Variants in GAR1 observed in about 807,000 individuals in gnomAD.
GAR1 encodes GAR1 ribonucleoprotein, also known as H/ACA ribonucleoprotein complex subunit 1.
GAR1 carries 11 observed loss-of-function variants against 29.3 expected under a neutral mutation model. The observed-to-expected ratio is 0.38, with a 90% CI of 0.24 to 0.62. The LOEUF is 0.62. Among genes scored for constraint, GAR1 ranks in the 20% least tolerant of loss-of-function variants. The pLI, the probability that GAR1 is intolerant of heterozygous loss-of-function variation, is 0.62. For missense variants in GAR1, 237 were observed against 268.4 expected (o/e 0.88, Z 0.82); for synonymous variants, 87 against 93.3 (o/e 0.93, Z 0.39).
intron 5 of GAR1, among the ~76,000 whole-genome samples, chr4:109,823,194 G>A (rs765524488): frequency 2.6e-5 from 4 of 152,184 alleles, no homozygotes; most frequent in Non-Finnish European, 5.9e-5. Context: ...AGTAGGAGAA[G>A]GGCGAGTGAT....
intron 5 of GAR1, among the ~76,000 whole-genome samples, chr4:109,823,223 A>C (rs538555857): frequency 6.6e-6 from 1 of 152,212 alleles, no homozygotes; most frequent in African/African-American, 2.4e-5. Context: ...GGGCAGAGCC[A>C]AAGTGGAAAG....
At chr4:109,823,365 T>G (rs977483928) in intron 5 of GAR1, among the ~76,000 whole-genome samples, 1 of 152,190 alleles carries the variant, frequency 6.6e-6, no homozygotes, top group South Asian at 2.1e-4. Flanking sequence ...TGTGTCCATA[T>G]AGGTAGGAAA....
intron 4 of GAR1, among the ~76,000 whole-genome samples, chr4:109,821,720 GA>G (rs1423627239): frequency 6.6e-6 from 1 of 152,120 alleles, no homozygotes; most frequent in East Asian, 1.9e-4. Context: ...TATTTCTAAA[GA>G]GAAATGATAT....
rs2276326 is a variant in GAR1 at position 109,816,233 on chromosome 4, T to C, written c.69T>C (p.Gly23=). The change falls in exon 2 of 7, where the codon GGT becomes GGC. Residue 23 remains glycine (G), a synonymous_variant. Transcript: ENST00000226796. ...RGGGGGGFNR[G]GSSNHFRGGG... The stretch of plus-strand genomic sequence containing the variant: ...GTGGAGGTGGCGGCTTCAACCGAGG[T>C]GGCAGCAGCAACCACTTCCGAGGTG... 0.74 allele frequency: 1,199,757 copies of C among 1,611,760 alleles called. 448,383 individuals are homozygous for C. Among genetic ancestry groups the C allele is most frequent in the East Asian group, 0.9 (40,170 of 44,846 alleles).
chr4:109,817,855 CA>C, intron 2 of GAR1, 80 bp from the exon 3 acceptor site: 5 of 1,209,042 alleles, frequency 4.1e-6, no homozygotes, highest in Non-Finnish European at 5.9e-6. Context: ...CCCAGGTAGC[CA>C]AAAAGAAAGC....
chr4:109,816,447 A>T, intron 2 of GAR1, 69 bp downstream of exon 2: 1 of 1,469,758 alleles, frequency 6.8e-7, no homozygotes, highest in Non-Finnish European at 9.5e-7. Context: ...GTTGTTAGGC[A>T]GCAAGTTTGG....
chr4:109,824,289 TA>T, intron 6 of GAR1, 128 bp from the exon 7 acceptor site: 2 of 669,938 alleles, frequency 3.0e-6, no homozygotes, highest in South Asian at 4.0e-5. Context: ...GAATGACAGT[TA>T]AATTTGGTAA....
chr4:109,818,902 A>G (rs1733428332), intron 3 of GAR1, 99 bp from the exon 4 acceptor site: 4 of 671,382 alleles, frequency 6.0e-6, no homozygotes, highest in Middle Eastern at 4.2e-4. Flanking sequence ...ATATATATCC[A>G]TACATTCTAA....
At chr4:109,818,367 G>A (rs1579351878) in intron 3 of GAR1, among the ~76,000 whole-genome samples, 3 of 152,096 alleles carry the variant, frequency 2.0e-5, no homozygotes, top group East Asian at 3.9e-4. Context: ...GGATGTAGTG[G>A]TGCCACTGGA....
intron 4 of GAR1, among the ~76,000 whole-genome samples, chr4:109,821,515 A>T (rs192443847): frequency 6.6e-6 from 1 of 152,210 alleles, no homozygotes; most frequent in East Asian, 1.9e-4. Context: ...GTCCTCTTTA[A>T]CCCCAATTAT....
chr4:109,823,491 C>G (rs1173306347), intron 5 of GAR1, among the ~76,000 whole-genome samples: 1 of 148,620 alleles, frequency 6.7e-6, no homozygotes, highest in Non-Finnish European at 1.5e-5. Context: ...TTTTTAAAAT[C>G]TTACTTATGT....
chr4:109,818,567 C>CT (rs34081446), intron 3 of GAR1, among the ~76,000 whole-genome samples: 37,834 of 123,726 alleles, frequency 0.31, 6,465 homozygotes, highest in South Asian at 0.42. Flanking sequence ...TTCTTTTTTC[C>CT]TTTTTTTTTT....
Position 109,816,229 on chromosome 4 carries a change from G to A in GAR1, c.65G>A (p.Arg22Gln). The change falls in exon 2 of 7, where the codon CGA becomes CAA. Residue 22 changes from arginine to glutamine, a missense_variant. Coordinates refer to ENST00000226796, the MANE Select transcript of GAR1 (RefSeq NM_018983.4). Reference sequence around the variant, plus strand: ...GGTGGTGGAGGTGGCGGCTTCAACCGAGGTGGCAGCAGCAACCACTTCCGA... The same window carrying A: ...GGTGGTGGAGGTGGCGGCTTCAACCAAGGTGGCAGCAGCAACCACTTCCGA... ...NRGGGGGGFN[R>Q]GGSSNHFRGG... The A allele has an allele frequency of 6.2e-7, 1 of 1,609,648 alleles. No individual in the cohort carries two copies. Among genetic ancestry groups the A allele is most frequent in the Non-Finnish European group, 8.5e-7 (1 of 1,177,794 alleles).
At chr4:109,822,077 G>A (rs558263087) in intron 4 of GAR1, among the ~76,000 whole-genome samples, 1 of 149,308 alleles carries the variant, frequency 6.7e-6, no homozygotes, top group South Asian at 2.1e-4. Flanking sequence ...GGGTTGATAG[G>A]TGCAGCAAAC....
At position 109,824,533 on chromosome 4, in the gene GAR1, T is replaced by C; in HGVS notation, c.*102T>C. ...TTGTTTCTTGAACAAGTCTTGAAGATCTTGGTCATTTTATGACAATGGATC... is the reference window on the plus strand; with the variant it reads ...TTGTTTCTTGAACAAGTCTTGAAGACCTTGGTCATTTTATGACAATGGATC... On this transcript the variant is annotated 3_prime_UTR_variant, in exon 7 of 7. Transcript: ENST00000226796. 1.1e-6 allele frequency: 1 copy of C among 879,874 alleles called. No homozygotes were observed. Among genetic ancestry groups the C allele is most frequent in the Non-Finnish European group, 1.9e-6 (1 of 523,938 alleles). The allele number at this position is 879,874 out of a possible 1,614,324, so 54.5% of individuals were successfully genotyped here.
At chr4:109,815,648 G>C (rs1346339726), upstream of GAR1, 1 of 155,186 alleles carries the variant, frequency 6.4e-6, no homozygotes, top group African/African-American at 2.5e-5. Flanking sequence ...TTGTTCCGCG[G>C]GTGATTGGCT....
chr4:109,821,301 G>C (rs1055367969), intron 4 of GAR1, among the ~76,000 whole-genome samples: 9 of 152,326 alleles, frequency 5.9e-5, no homozygotes, highest in Middle Eastern at 6.8e-3. Flanking sequence ...CCTGTGGCTG[G>C]TGGCTGCCAT....
chr4:109,822,370 G>T lies in GAR1; in HGVS notation c.453G>T (p.Leu151=). Residue 151 remains leucine (L), a synonymous_variant, in exon 5 of 7, where the codon CTG becomes CTT. Coordinates refer to ENST00000226796, the MANE Select transcript of GAR1 (RefSeq NM_018983.4). ...LQKFYIDPYK[L]LPLQRFLPRP... ...AGTTTTATATAGACCCATATAAGCT[G>T]CTGCCACTGCAGAGGTTTTTACCTC... is the stretch of plus-strand genomic sequence containing the variant. 1 of 1,597,316 alleles carries T rather than the reference G, an allele frequency of 6.3e-7. No individual in the cohort carries two copies. Among genetic ancestry groups the T allele is most frequent in the Non-Finnish European group, 8.5e-7 (1 of 1,170,632 alleles).
At chr4:109,818,877 TTTC>T in intron 3 of GAR1, 121 bp from the exon 4 acceptor site, 2 of 585,858 alleles carry the variant, frequency 3.4e-6, no homozygotes, top group Non-Finnish European at 6.2e-6. Flanking sequence ...TGGAAATTCA[TTTC>T]TTATCTTTCC....
Sources: allele counts gnomAD v4.1 joint callset (sites outside exome capture counted in the v4.1 genomes callset), GRCh38; gene constraint gnomAD v4.1.1; transcripts MANE v1.5; gene names NCBI Gene and HGNC (gene_info 2026-07-23, HGNC 2026-07-21).